Variants in RYR3 observed in about 807,000 individuals in gnomAD.
RYR3 encodes brain ryanodine receptor-calcium release channel.
In RYR3, 207 loss-of-function variants were observed where a neutral mutation model predicts 584.3. That is an observed-to-expected ratio of 0.35 (90% CI 0.32 to 0.40). RYR3 has a LOEUF of 0.40. Among genes scored for constraint, RYR3 ranks in the 10% least tolerant of loss-of-function variants. RYR3 has a pLI of 1.00. For missense variants in RYR3, 5,616 were observed against 6,089.2 expected (o/e 0.92, Z 2.59); for synonymous variants, 2,416 against 2,248.5 (o/e 1.07, Z -2.11).
At chr15:33,509,056 T>G (rs564933031) in intron 3 of RYR3, among the ~76,000 whole-genome samples, 1 of 152,328 alleles carries the variant, frequency 6.6e-6, no homozygotes, top group African/African-American at 2.4e-5. Context: ...ATATTTACCT[T>G]GCAGCCAGGT....
intron 80 of RYR3, 96 bp downstream of exon 80, chr15:33,821,698 G>C (rs1393830599): frequency 4.3e-5 from 50 of 1,161,458 alleles, no homozygotes; most frequent in Non-Finnish European, 6.3e-5. Context: ...CTACAGAGGG[G>C]AGCCACCCAG....
chr15:33,551,801 A>G (rs1161546257), intron 10 of RYR3, among the ~76,000 whole-genome samples: 3 of 152,034 alleles, frequency 2.0e-5, no homozygotes, highest in South Asian at 2.1e-4. Flanking sequence ...TCAAATTTAT[A>G]TCTATTTAGT....
intron 1 of RYR3, among the ~76,000 whole-genome samples, chr15:33,371,565 T>C (rs533412079): frequency 6.6e-6 from 1 of 152,314 alleles, no homozygotes; most frequent in Non-Finnish European, 1.5e-5. Context: ...ATACTGTCCA[T>C]GATCTAAGCT....
intron 53 of RYR3, among the ~76,000 whole-genome samples, chr15:33,746,901 C>T (rs536837120): frequency 2.1e-5 from 3 of 144,544 alleles, no homozygotes; most frequent in East Asian, 2.1e-4. Flanking sequence ...CTCCACCTTC[C>T]GGGCTCAAGT....
At chr15:33,697,030 G>A (rs1267220899) in intron 39 of RYR3, among the ~76,000 whole-genome samples, 7 of 152,154 alleles carry the variant, frequency 4.6e-5, no homozygotes. Context: ...ATCACGTAGG[G>A]TAGCACTTCT....
intron 97 of RYR3, 36 bp from the exon 98 acceptor site, chr15:33,854,730 A>T (rs376375066): frequency 3.1e-4 from 483 of 1,577,206 alleles, no homozygotes; most frequent in Non-Finnish European, 3.9e-4. Context: ...ACTATGAGGC[A>T]AACATGCTTA....
chr15:33,532,108 A>G (rs920556326), intron 4 of RYR3, among the ~76,000 whole-genome samples: 9 of 152,170 alleles, frequency 5.9e-5, no homozygotes, highest in Non-Finnish European at 1.2e-4. Context: ...GGCTTTCTAC[A>G]TTGCAATGAT....
In RYR3 at chr15:33,724,150, C is replaced by A. The variant is rs1204903519; in HGVS notation, c.6886C>A (p.Leu2296Met). The change falls in exon 45 of 104, where the codon CTG becomes ATG. Residue 2296 changes from leucine (L) to methionine (M), a missense_variant. By Grantham distance (15) the Leu-to-Met change is conservative. This residue lies in a region of RYR3 where 1,280 missense variants were observed against 1,426.2 expected (regional missense o/e 0.90). Transcript: ENST00000634891. ...ATTTTATTCGGCCCTTATAGATCTA[C>A]TGGGCCGCTGTGCTCCTGAAATGCA... Reference protein sequence around the residue: ...MSFYSALIDLLGRCAPEMHLI... With the variant: ...MSFYSALIDLMGRCAPEMHLI... The A allele has an allele frequency of 1.2e-6, 2 of 1,607,982 alleles. No individual in the cohort carries two copies. The highest frequency in any genetic ancestry group is 1.7e-6 in the Non-Finnish European group (2 of 1,174,974).
At chr15:33,485,893 A>T (rs2050377075) in intron 2 of RYR3, among the ~76,000 whole-genome samples, 1 of 152,210 alleles carries the variant, frequency 6.6e-6, no homozygotes, top group African/African-American at 2.4e-5. Context: ...TTTAAGTTGA[A>T]TGAGGAAAGA....
At position 33,848,418 on chromosome 15, in the gene RYR3, C is replaced by T. The variant is rs773173878; in HGVS notation, c.13625C>T (p.Thr4542Ile). The change falls in exon 94 of 104, where the codon ACA becomes ATA. Residue 4542 changes from threonine (T) to isoleucine (I), a missense_variant. This residue lies in a region of RYR3 where 918 missense variants were observed against 887.4 expected (regional missense o/e 1.03). Transcript: ENST00000634891. ...KGQWDRLVIN[T>I]PSFPNNYWDK... is the part of the protein sequence containing the mutation. The stretch of plus-strand genomic sequence containing the variant: ...CAGTGGGACCGCTTGGTGATCAACA[C>T]ACCGTGAGTGTCCCTCTACCCCAAC... 3 of 1,611,712 alleles carry T rather than the reference C, an allele frequency of 1.9e-6. No homozygotes were observed. In the African/African-American group the frequency reaches 4.0e-5, roughly 22 times the overall value.
intron 9 of RYR3, 33 bp downstream of exon 9, chr15:33,548,237 AT>A: frequency 7.1e-7 from 1 of 1,398,684 alleles, no homozygotes; most frequent in Non-Finnish European, 1.0e-6. Flanking sequence ...CCTTTTCAAG[AT>A]TACTTTCTTT....
Position 33,540,752 on chromosome 15 carries a change from G to T in RYR3, c.547-39G>T, listed in dbSNP as rs748437738. 3 of 1,288,630 alleles carry T rather than the reference G, an allele frequency of 2.3e-6. No individual in the cohort carries two copies. The African/African-American group carries it at 4.4e-5, about 19-fold the overall frequency. The allele number at this position is 1,288,630 out of a possible 1,614,324, so 79.8% of individuals were successfully genotyped here. ...GAGCTGTTTCTGTCGGCACTGGACT[G>T]GTGATTTAAAAGATGTCTCATTTCT... On this transcript the variant is annotated intron_variant, in intron 6 of 103. Coordinates refer to ENST00000634891, the MANE Select transcript of RYR3 (RefSeq NM_001036.6).
rs10534581 is a variant in RYR3 at position 33,705,101 on chromosome 15, TTCTCTCTCTCTCTCTC to T, written c.6484-1799_6484-1784del. Among the ~76,000 whole-genome samples the T allele has an allele frequency of 5.5e-3, 778 of 142,212 alleles. 9 individuals are homozygous for T. Among genetic ancestry groups the T allele is most frequent in the South Asian group, 0.031 (133 of 4,336 alleles). The allele number at this position is 142,212 out of a possible 152,430, so 93.3% of individuals were successfully genotyped here. ...GCACACACACATGCACACACACTCTTTCTCTCTCTCTCTCTCTCTCTCTCTCTCTCTCTCATATGGG... is the reference window on the plus strand; with the variant it reads ...GCACACACACATGCACACACACTCTTTCTCTCTCTCTCTCTCTCATATGGG... On this transcript the variant is annotated intron_variant, in intron 42 of 103. Coordinates refer to ENST00000634891, the MANE Select transcript of RYR3 (RefSeq NM_001036.6).
chr15:33,313,634 C>A (rs1262510836), intron 1 of RYR3, among the ~76,000 whole-genome samples: 5 of 152,180 alleles, frequency 3.3e-5, no homozygotes, highest in African/African-American at 1.2e-4. Flanking sequence ...GGCTTTCTTT[C>A]TCCTCCCCAG....
At chr15:33,719,843 G>A (rs959177264) in intron 43 of RYR3, among the ~76,000 whole-genome samples, 3 of 152,190 alleles carry the variant, frequency 2.0e-5, no homozygotes, top group African/African-American at 7.2e-5. Flanking sequence ...TCTACAAACT[G>A]TACAATGTCT....
chr15:33,503,165 A>G (rs1280062015), intron 2 of RYR3, among the ~76,000 whole-genome samples: 1 of 151,974 alleles, frequency 6.6e-6, no homozygotes, highest in African/African-American at 2.4e-5. Context: ...CTCTTTTTAT[A>G]CTCTATCTAG....
In RYR3 at chr15:33,853,643, T is replaced by C. The variant is rs750177909; in HGVS notation, c.13760T>C (p.Val4587Ala). ...AAAAATGCTCTTGACTTTAGCCCAG[T>C]AGAAGAGACCAAAGCAGAAGCGGCT... ...LDKNALDFSPVEETKAEAASL... is the reference protein window; with the variant it reads ...LDKNALDFSPAEETKAEAASL... The change falls in exon 96 of 104, where the codon GTA becomes GCA. Residue 4587 changes from valine (V) to alanine (A), a missense_variant. Val to Ala is a moderately conservative substitution (Grantham distance 64). Transcript: ENST00000634891. 17 of 1,613,820 alleles carry C rather than the reference T, an allele frequency of 1.1e-5. No homozygotes were observed. Among genetic ancestry groups the C allele is most frequent in the South Asian group, 3.3e-5 (3 of 91,068 alleles).
rs924785034 is a variant in RYR3, at chr15:33,598,237, A to G, written c.1789-3182A>G. On this transcript the variant is annotated intron_variant, in intron 16 of 103. Transcript: ENST00000634891. ...GAATTCAGTTAACTGAGAAGAAAAA[A>G]AAATTGCTCAAAAAAAAAAAAAAAA... is the stretch of plus-strand genomic sequence containing the variant. Among the ~76,000 whole-genome samples the G allele has an allele frequency of 8.8e-5, 9 of 102,690 alleles. No homozygotes were observed. In the Admixed American group the frequency reaches 9.9e-4, roughly 11 times the overall value. The allele number at this position is 102,690 out of a possible 152,430, so 67.4% of individuals were successfully genotyped here.
chr15:33,358,655 TAAA>T (rs35316835), intron 1 of RYR3, among the ~76,000 whole-genome samples: 251 of 135,738 alleles, frequency 1.8e-3, no homozygotes, highest in Non-Finnish European at 2.8e-3. Flanking sequence ...GTGGTATCGT[TAAA>T]AAAAAAAAAA....
Sources: allele counts gnomAD v4.1 joint callset (sites outside exome capture counted in the v4.1 genomes callset), GRCh38; gene constraint gnomAD v4.1.1; regional missense constraint gnomAD v4.1.1; transcripts MANE v1.5; gene names NCBI Gene and HGNC (gene_info 2026-07-23, HGNC 2026-07-21).